TANC2: variants seen among roughly 807,000 people sequenced by gnomAD.
TANC2 encodes the protein protein TANC2.
TANC2 carries 26 observed loss-of-function variants against 210.5 expected under a neutral mutation model. That is an observed-to-expected ratio of 0.12 (90% CI 0.09 to 0.17). The LOEUF is 0.17. Among genes scored for constraint, TANC2 ranks in the 10% least tolerant of loss-of-function variants. TANC2 has a pLI of 1.00. For missense variants in TANC2, 2,129 were observed against 2,608.9 expected, an observed-to-expected ratio of 0.82 and a Z score of 4.01; for synonymous variants, 931 against 967.1, an observed-to-expected ratio of 0.96 and a Z score of 0.69.
chr17:63,282,929 T>C (rs747766205), intron 9 of TANC2, among the ~76,000 whole-genome samples: 12 of 152,188 alleles, frequency 7.9e-5, no homozygotes, highest in Middle Eastern at 3.4e-3. Context: ...CTTTTCATTC[T>C]CTTAACAGTG....
At chr17:63,143,083 T>C (rs553077436) in intron 4 of TANC2, among the ~76,000 whole-genome samples, 2 of 152,330 alleles carry the variant, frequency 1.3e-5, no homozygotes, top group East Asian at 1.9e-4. Flanking sequence ...GAAGCATTCA[T>C]TGAATTGAAG....
intron 9 of TANC2, among the ~76,000 whole-genome samples, chr17:63,275,125 C>T (rs1012223218): frequency 3.9e-5 from 6 of 152,126 alleles, no homozygotes; most frequent in African/African-American, 1.4e-4. Flanking sequence ...GTTAAATTAA[C>T]AACAAATTAT....
intron 2 of TANC2, among the ~76,000 whole-genome samples, chr17:63,041,636 A>G (rs1598301219): frequency 6.6e-6 from 1 of 152,108 alleles, no homozygotes; most frequent in Admixed American, 6.6e-5. Context: ...GTTATATTCA[A>G]TCGAGTTAAT....
At chr17:63,268,781 C>A (rs189281964) in intron 9 of TANC2, among the ~76,000 whole-genome samples, 6 of 152,254 alleles carry the variant, frequency 3.9e-5, no homozygotes, top group African/African-American at 1.4e-4. Flanking sequence ...TCCAAGCTGG[C>A]ACCAGATCTT....
chr17:63,351,368 G>A, exon 13 of TANC2: 1 of 1,610,216 alleles, frequency 6.2e-7, no homozygotes, highest in Non-Finnish European at 8.5e-7. Context: ...TGATCGGAAA[G>A]TTTCCTTCTT....
At chr17:63,033,372 A>G (rs1352749080) in intron 2 of TANC2, among the ~76,000 whole-genome samples, 1 of 152,146 alleles carries the variant, frequency 6.6e-6, no homozygotes, top group African/African-American at 2.4e-5. Flanking sequence ...TGGGGCTTTC[A>G]GCCACCAGTA....
intron 6 of TANC2, among the ~76,000 whole-genome samples, chr17:63,200,077 T>G (rs540118041): frequency 2.2e-4 from 34 of 152,054 alleles, no homozygotes; most frequent in African/African-American, 8.0e-4. Flanking sequence ...AATTATTGGC[T>G]GGGTCCAGTG....
chr17:63,376,155 C>T (rs754458314), intron 14 of TANC2, among the ~76,000 whole-genome samples: 32 of 150,956 alleles, frequency 2.1e-4, no homozygotes, highest in African/African-American at 3.9e-4. Context: ...AGTTCAGGGC[C>T]GGGTGCGGTG....
At chr17:62,978,237 AG>A (rs1164179056) in intron 1 of TANC2, among the ~76,000 whole-genome samples, 1 of 152,252 alleles carries the variant, frequency 6.6e-6, no homozygotes, top group Non-Finnish European at 1.5e-5. Context: ...ATGATCAAGT[AG>A]AGTTTATTGC....
chr17:63,101,746 A>G (rs2037629557), intron 4 of TANC2, among the ~76,000 whole-genome samples: 1 of 152,228 alleles, frequency 6.6e-6, no homozygotes. Flanking sequence ...AGGTAATGCA[A>G]TATGGAAGGG....
intron 19 of TANC2, among the ~76,000 whole-genome samples, chr17:63,404,534 A>T (rs1216283465): frequency 6.6e-6 from 1 of 152,214 alleles, no homozygotes; most frequent in Non-Finnish European, 1.5e-5. Flanking sequence ...GCTACCTTGA[A>T]TCATTCAAAT....
intron 2 of TANC2, among the ~76,000 whole-genome samples, chr17:63,050,765 A>G (rs1359526480): frequency 6.6e-6 from 1 of 152,272 alleles, no homozygotes; most frequent in East Asian, 1.9e-4. Context: ...AATGGACTTT[A>G]TAAGAGATTT....
chr17:63,294,248 C>G (rs1237389877), intron 9 of TANC2, among the ~76,000 whole-genome samples: 2 of 152,106 alleles, frequency 1.3e-5, no homozygotes, highest in East Asian at 3.9e-4. Context: ...GAGGCCAGAG[C>G]TGGCAGATTG....
At chr17:63,413,460 C>A in intron 24 of TANC2, 83 bp from the exon 25 acceptor site, 1 of 1,079,266 alleles carries the variant, frequency 9.3e-7, no homozygotes, top group Non-Finnish European at 1.3e-6. Flanking sequence ...CAGAAATTCC[C>A]CTAGGGTATT....
At chr17:63,174,811 A>G (rs2040522377) in intron 5 of TANC2, among the ~76,000 whole-genome samples, 1 of 152,234 alleles carries the variant, frequency 6.6e-6, no homozygotes, top group African/African-American at 2.4e-5. Flanking sequence ...ACTATATAAA[A>G]ATGAATGGTA....
At chr17:63,223,355 A>G (rs983410486) in intron 7 of TANC2, among the ~76,000 whole-genome samples, 3 of 152,202 alleles carry the variant, frequency 2.0e-5, no homozygotes, top group Admixed American at 6.5e-5. Flanking sequence ...GCAATAGTAT[A>G]TAGCAAAATG....
chr17:62,973,654 T>G (rs2031839366), intron 1 of TANC2, among the ~76,000 whole-genome samples: 1 of 152,214 alleles, frequency 6.6e-6, no homozygotes, highest in African/African-American at 2.4e-5. Flanking sequence ...TGTTCTTTTT[T>G]ATGTTTGCTG....
At chr17:63,425,454 T>C (rs1212382497) in exon 28 of TANC2, 7 of 152,216 alleles carry the variant, frequency 4.6e-5, no homozygotes, top group Non-Finnish European at 7.3e-5. Context: ...ATGTACCCAA[T>C]AGAAAAAATT....
chr17:63,426,779 T>G (rs2147469754), exon 28 of TANC2: 1 of 152,384 alleles, frequency 6.6e-6, no homozygotes, highest in East Asian at 1.9e-4. Context: ...GTAGACCTAC[T>G]CTGTGGAACG....
Sources: gnomAD v4.1 joint callset for allele counts (sites outside exome capture counted in the v4.1 genomes callset) on GRCh38, gnomAD v4.1.1 for gene constraint, MANE v1.5 for transcripts, NCBI Gene and HGNC (gene_info 2026-07-23, HGNC 2026-07-21) for gene names.